AKAP9: variants seen among roughly 807,000 people sequenced by gnomAD.
The protein encoded by AKAP9 is A-kinase anchor protein 9.
A neutral mutation model predicts 488.5 loss-of-function variants in AKAP9; 311 were observed. The ratio of observed to expected loss-of-function variants is 0.64; its 90% CI spans 0.58 to 0.70. AKAP9 has a LOEUF of 0.70. AKAP9 is among the 30% of genes least tolerant of loss of function. AKAP9 has a pLI of 0.00. For synonymous variants in AKAP9, 1,462 were observed against 1,483.5 expected, an observed-to-expected ratio of 0.99 and a Z score of 0.33; for missense variants, 4,215 against 4,374.5, an observed-to-expected ratio of 0.96 and a Z score of 1.03.
rs572339762 is a variant in AKAP9 at position 91,961,355 on chromosome 7, T to G, written c.49-12356T>G. On this transcript the variant is annotated intron_variant, in intron 1 of 49. Coordinates refer to ENST00000356239, the MANE Select transcript of AKAP9 (RefSeq NM_005751.5). ...CAGCACACCCAGCTAATTTTTGTAT[T>G]TTAGTAGAGACGGGGTTTCACCATG... is the stretch of plus-strand genomic sequence containing the variant. Among the ~76,000 whole-genome samples, 10 of 151,710 alleles carry G rather than the reference T, an allele frequency of 6.6e-5. No homozygotes were observed. In the South Asian group the frequency reaches 2.1e-3, roughly 32 times the overall value.
At chr7:91,989,420 A>G (rs1357035456) in intron 3 of AKAP9, among the ~76,000 whole-genome samples, 1 of 152,154 alleles carries the variant, frequency 6.6e-6, no homozygotes, top group Admixed American at 6.5e-5. Flanking sequence ...GTCATCTTCA[A>G]TCATTAATGA....
chr7:92,060,175 T>C (rs1361834302), intron 22 of AKAP9, among the ~76,000 whole-genome samples: 2 of 152,072 alleles, frequency 1.3e-5, no homozygotes, highest in African/African-American at 4.8e-5. Flanking sequence ...AAAGTATCCT[T>C]TAGTATTATC....
At chr7:92,081,306 A>ATT (rs765798858) in intron 31 of AKAP9, among the ~76,000 whole-genome samples, 2 of 145,268 alleles carry the variant, frequency 1.4e-5, no homozygotes, top group Admixed American at 6.9e-5. Flanking sequence ...ATATTTTACA[A>ATT]TTTTTTTTTT....
chr7:92,075,246 A>G (rs190992265), intron 28 of AKAP9, among the ~76,000 whole-genome samples: 1 of 152,340 alleles, frequency 6.6e-6, no homozygotes, highest in Non-Finnish European at 1.5e-5. Context: ...TGTTGTATAA[A>G]AAAAGGAAAT....
chr7:92,107,829 C>A, intron 48 of AKAP9: 1 of 179,648 alleles, frequency 5.6e-6, no homozygotes, highest in Non-Finnish European at 1.2e-5. Context: ...CTGGCCTGGG[C>A]AACGGAGCGA....
At chr7:92,060,182 TATC>T (rs1809525522) in intron 22 of AKAP9, among the ~76,000 whole-genome samples, 1 of 152,076 alleles carries the variant, frequency 6.6e-6, no homozygotes, top group Non-Finnish European at 1.5e-5. Flanking sequence ...CCTTTAGTAT[TATC>T]ATGATTTTGT....
chr7:92,064,220 T>C (rs1245311227), intron 24 of AKAP9, among the ~76,000 whole-genome samples: 1 of 152,142 alleles, frequency 6.6e-6, no homozygotes, highest in African/African-American at 2.4e-5. Flanking sequence ...TAAGAGGCTC[T>C]CTGGTTGATT....
chr7:91,971,541 T>C (rs934923306), intron 1 of AKAP9, among the ~76,000 whole-genome samples: 2 of 151,006 alleles, frequency 1.3e-5, no homozygotes. Context: ...TGTTGTTTCT[T>C]GTGGATATAC....
At chr7:92,024,457 T>C (rs927420975) in intron 14 of AKAP9, among the ~76,000 whole-genome samples, 2 of 144,502 alleles carry the variant, frequency 1.4e-5, no homozygotes, top group Non-Finnish European at 3.1e-5. Flanking sequence ...ATATATATTA[T>C]ATATATAACC....
rs113105166 is a variant in AKAP9, at chr7:92,030,484, T to C, written c.4245+493T>C. Among the ~76,000 whole-genome samples the C allele has an allele frequency of 3.3e-5, 5 of 152,028 alleles. 1 individual carries two copies. Among genetic ancestry groups the C allele is most frequent in the African/African-American group, 1.2e-4 (5 of 41,474 alleles). On this transcript the variant is annotated intron_variant, in intron 15 of 49. Transcript: ENST00000356239. ...GGTGAAACCCCATCTCTACTAAAAA[T>C]ACAAAAAATTAGCTGAGCGTGGTGG... is the stretch of plus-strand genomic sequence containing the variant.
chr7:92,040,809 C>G lies in AKAP9; in HGVS notation c.4828C>G (p.Gln1610Glu). 1 of 1,613,950 alleles carries G rather than the reference C, an allele frequency of 6.2e-7. No individual in the cohort carries two copies. The highest frequency in any genetic ancestry group is 8.5e-7 in the Non-Finnish European group (1 of 1,179,984). Reference protein sequence around the residue: ...EHQQATELLRQAHMRQMERQR... With the variant: ...EHQQATELLREAHMRQMERQR... ...TCAACAGGCAACGGAATTGTTAAGG[C>G]AAGCACATATGCGGCAAATGGAGAG... The change falls in exon 18 of 50, where the codon CAA becomes GAA. Residue 1610 changes from glutamine (Q) to glutamate (E), a missense_variant. Gln to Glu is a conservative substitution (Grantham distance 29). This residue lies in a region of AKAP9 where 2,361 missense variants were observed against 2,430.0 expected (regional missense o/e 0.97). Transcript: ENST00000356239.
At chr7:92,093,836 ATTTAT>A (rs988459052) in intron 39 of AKAP9, among the ~76,000 whole-genome samples, 1 of 151,758 alleles carries the variant, frequency 6.6e-6, no homozygotes, top group Non-Finnish European at 1.5e-5. Flanking sequence ...TTATTTATTT[ATTTAT>A]TTTATTTTAT....
chr7:92,021,669 C>T (rs190154956), intron 12 of AKAP9, among the ~76,000 whole-genome samples: 1 of 152,196 alleles, frequency 6.6e-6, no homozygotes, highest in Non-Finnish European at 1.5e-5. Flanking sequence ...GAACTCCTGA[C>T]CTTAGGTGAT....
At position 92,110,330 on chromosome 7, in the gene AKAP9, A is replaced by G. The variant is rs1190543048; in HGVS notation, c.*171A>G. 6.5e-6 allele frequency: 4 copies of G among 617,096 alleles called. No homozygotes were observed. Among genetic ancestry groups the G allele is most frequent in the East Asian group, 2.8e-5 (1 of 36,172 alleles). 38.2% of individuals were successfully genotyped at this position (617,096 alleles called of 1,614,324 possible). A position where few individuals can be genotyped will look rare whatever the true frequency, so the allele number is the denominator to read the frequency against. ...TGAAAACAAACTGGAATTTGTATAT[A>G]TAAGCATTGTGTATGTATTCATGCA... On this transcript the variant is annotated 3_prime_UTR_variant, in exon 50 of 50. Coordinates refer to ENST00000356239, the MANE Select transcript of AKAP9 (RefSeq NM_005751.5).
chr7:91,985,857 C>G (rs1455833036), intron 3 of AKAP9, among the ~76,000 whole-genome samples: 2 of 152,192 alleles, frequency 1.3e-5, no homozygotes, highest in African/African-American at 4.8e-5. Context: ...CCATACTGTT[C>G]AAGCTGGTCT....
At chr7:91,981,201 A>G (rs1284085854) in intron 3 of AKAP9, among the ~76,000 whole-genome samples, 2 of 152,204 alleles carry the variant, frequency 1.3e-5, no homozygotes, top group African/African-American at 4.8e-5. Flanking sequence ...TTGATTTAAA[A>G]TCACTGCTTA....
chr7:92,035,794 G>A (rs78028522), intron 16 of AKAP9, among the ~76,000 whole-genome samples: 1,847 of 152,254 alleles, frequency 0.012, 36 homozygotes, highest in African/African-American at 0.041. Context: ...GGTAATCAGT[G>A]GGAGAAGCAG....
rs541699190 is a variant in AKAP9 at position 91,984,509 on chromosome 7, A to G, written c.351+4176A>G. On this transcript the variant is annotated intron_variant, in intron 3 of 49. Transcript: ENST00000356239. ...TCTATATCTCTGTTTTGGTACCAGT[A>G]TCATGCTGTTTTGGTTACTGTAGCC... is the stretch of plus-strand genomic sequence containing the variant. 2.1e-4 allele frequency among the ~76,000 whole-genome samples: 32 copies of G among 152,310 alleles called. No homozygotes were observed. The South Asian group carries it at 6.4e-3, about 31-fold the overall frequency.
chr7:92,041,389 T>C (rs1220667996), intron 18 of AKAP9: 1 of 154,598 alleles, frequency 6.5e-6, no homozygotes, highest in East Asian at 1.9e-4. Flanking sequence ...TTTTTAATCA[T>C]GAATGGAAAT....
Sources: allele counts gnomAD v4.1 joint callset (sites outside exome capture counted in the v4.1 genomes callset), GRCh38; gene constraint gnomAD v4.1.1; regional missense constraint gnomAD v4.1.1; transcripts MANE v1.5; gene names NCBI Gene and HGNC (gene_info 2026-07-23, HGNC 2026-07-21).